VIT: variants seen among roughly 807,000 people sequenced by gnomAD.
The protein encoded by VIT is vitrin.
VIT carries 99 observed loss-of-function variants against 78.0 expected under a neutral mutation model. The ratio of observed to expected loss-of-function variants is 1.27; its 90% CI spans 1.08 to 1.50. The LOEUF (loss-of-function observed/expected upper bound fraction) is 1.50. Among genes scored for constraint, VIT ranks in the 40% most tolerant of loss-of-function variants. The pLI is 0.00. For missense variants in VIT, 1,126 were observed against 875.3 expected, an observed-to-expected ratio of 1.29 and a Z score of -3.61; for synonymous variants, 374 against 334.3, an observed-to-expected ratio of 1.12 and a Z score of -1.29.
At chr2:36,737,894 AAAGG>A (rs1667603964) in intron 3 of VIT, among the ~76,000 whole-genome samples, 1 of 152,212 alleles carries the variant, frequency 6.6e-6, no homozygotes, top group Non-Finnish European at 1.5e-5. Flanking sequence ...AGACCATGAA[AAAGG>A]AAGAGGATTA....
At chr2:36,735,214 T>C (rs1667442860) in intron 3 of VIT, among the ~76,000 whole-genome samples, 3 of 151,916 alleles carry the variant, frequency 2.0e-5, no homozygotes, top group Non-Finnish European at 2.9e-5. Context: ...CATGGGGGTC[T>C]TACAAAGAAG....
chr2:36,718,315 C>T (rs1666291393), intron 2 of VIT, among the ~76,000 whole-genome samples: 1 of 152,084 alleles, frequency 6.6e-6, no homozygotes, highest in African/African-American at 2.4e-5. Context: ...GAAGGTAATA[C>T]AGCTGGGAAG....
intron 1 of VIT, among the ~76,000 whole-genome samples, chr2:36,710,408 T>C (rs917507253): frequency 6.6e-6 from 1 of 152,110 alleles, no homozygotes; most frequent in African/African-American, 2.4e-5. Flanking sequence ...AGAATATATA[T>C]ATTTAAAGTA....
At chr2:36,809,062 A>G (rs1666962731) in intron 15 of VIT, 77 bp downstream of exon 15, 2 of 1,502,224 alleles carry the variant, frequency 1.3e-6, no homozygotes, top group Non-Finnish European at 1.8e-6. Context: ...CAAGGAAGGT[A>G]TTGTCTTTTT....
chr2:36,800,760 A>T (rs938089826), intron 12 of VIT, among the ~76,000 whole-genome samples: 2 of 152,142 alleles, frequency 1.3e-5, no homozygotes, highest in Non-Finnish European at 2.9e-5. Flanking sequence ...CTTCAGCAAA[A>T]TAGATGTTGA....
chr2:36,747,610 C>A (rs1400931190), intron 4 of VIT, among the ~76,000 whole-genome samples: 3 of 152,074 alleles, frequency 2.0e-5, no homozygotes, highest in Non-Finnish European at 4.4e-5. Context: ...CTCTGTAGAT[C>A]TTTCTTCATC....
chr2:36,730,230 G>T (rs1304424868), intron 3 of VIT, among the ~76,000 whole-genome samples: 3 of 151,574 alleles, frequency 2.0e-5, no homozygotes, highest in Non-Finnish European at 4.4e-5. Context: ...GCAGATTGCA[G>T]TGAGCCCAGA....
chr2:36,729,830 A>G (rs1667085860), intron 3 of VIT, among the ~76,000 whole-genome samples: 1 of 152,136 alleles, frequency 6.6e-6, no homozygotes, highest in African/African-American at 2.4e-5. Context: ...ATACCAGAAA[A>G]CTTATTTTGG....
At chr2:36,738,299 G>A (rs889090660) in intron 3 of VIT, among the ~76,000 whole-genome samples, 5 of 152,164 alleles carry the variant, frequency 3.3e-5, no homozygotes, top group Admixed American at 6.6e-5. Flanking sequence ...ATAGGCCTGA[G>A]TTCAGGTCTT....
At chr2:36,707,701 G>A (rs892614281) in intron 1 of VIT, among the ~76,000 whole-genome samples, 2 of 152,270 alleles carry the variant, frequency 1.3e-5, no homozygotes, top group Admixed American at 6.5e-5. Context: ...GATGCTCTGC[G>A]TAGGCCACCA....
At chr2:36,764,613 T>A (rs910239443) in intron 6 of VIT, among the ~76,000 whole-genome samples, 4 of 152,164 alleles carry the variant, frequency 2.6e-5, no homozygotes, top group African/African-American at 9.7e-5. Flanking sequence ...ACAAGGCAAT[T>A]GAAAGATCGG....
At chr2:36,732,139 G>T (rs970552522) in intron 3 of VIT, among the ~76,000 whole-genome samples, 3 of 152,238 alleles carry the variant, frequency 2.0e-5, no homozygotes. Flanking sequence ...GCCCAAGTAT[G>T]AATTCCTTCG....
At chr2:36,797,347 C>A (rs1665977081) in intron 12 of VIT, among the ~76,000 whole-genome samples, 1 of 152,162 alleles carries the variant, frequency 6.6e-6, no homozygotes, top group Non-Finnish European at 1.5e-5. Flanking sequence ...CTGGTTAGGA[C>A]CAGGTAGGAA....
chr2:36,731,419 G>A (rs1254783317), intron 3 of VIT, among the ~76,000 whole-genome samples: 5 of 151,948 alleles, frequency 3.3e-5, no homozygotes, highest in Middle Eastern at 3.4e-3. Flanking sequence ...GACTACAGGC[G>A]CCCGCCACCA....
At chr2:36,771,970 G>A (rs913338764) in intron 7 of VIT, among the ~76,000 whole-genome samples, 1 of 152,178 alleles carries the variant, frequency 6.6e-6, no homozygotes, top group Admixed American at 6.5e-5. Flanking sequence ...ACATCCCACA[G>A]AAAAAGGGAT....
intron 11 of VIT, among the ~76,000 whole-genome samples, chr2:36,786,144 A>G (rs1167905238): frequency 6.7e-6 from 1 of 150,222 alleles, no homozygotes; most frequent in East Asian, 1.9e-4. Context: ...ACACCAGCCT[A>G]GAAATTTCCA....
intron 10 of VIT, among the ~76,000 whole-genome samples, chr2:36,782,068 T>C (rs1664797785): frequency 6.6e-6 from 1 of 152,236 alleles, no homozygotes; most frequent in Admixed American, 6.5e-5. Context: ...TGACTCTATC[T>C]GGCAGCACAC....
chr2:36,748,681 T>G (rs1182613221), intron 4 of VIT, among the ~76,000 whole-genome samples: 2 of 152,242 alleles, frequency 1.3e-5, no homozygotes, highest in Non-Finnish European at 2.9e-5. Context: ...ATCTTCTGAA[T>G]CTTGTTGAGC....
intron 2 of VIT, among the ~76,000 whole-genome samples, chr2:36,725,266 T>C (rs1666760158): frequency 6.6e-6 from 1 of 152,202 alleles, no homozygotes; most frequent in Non-Finnish European, 1.5e-5. Context: ...AGTGTCTTAG[T>C]TCATGCAGTC....
Sources: allele counts gnomAD v4.1 joint callset (sites outside exome capture counted in the v4.1 genomes callset), GRCh38; gene constraint gnomAD v4.1.1; transcripts MANE v1.5; gene names NCBI Gene and HGNC (gene_info 2026-07-23, HGNC 2026-07-21).